The following SEC14L3 variants were observed in gnomAD, a reference collection of about 807,000 sequenced individuals.
SEC14L3 encodes SEC14 like lipid binding 3.
In SEC14L3, 56 loss-of-function variants were observed where a neutral mutation model predicts 57.4. The ratio of observed to expected loss-of-function variants is 0.97; its 90% confidence interval spans 0.79 to 1.22. SEC14L3 has a LOEUF of 1.22. Among genes scored for constraint, SEC14L3 ranks in the 50% most tolerant of loss-of-function variants. SEC14L3 has a pLI of 0.00. For synonymous variants in SEC14L3, 173 were observed against 194.4 expected, an observed-to-expected ratio of 0.89 and a Z score of 0.92; for missense variants, 485 against 511.7, an observed-to-expected ratio of 0.95 and a Z score of 0.50.
chr22:30,470,444 G>A (rs1254316809), intron 2 of SEC14L3, 63 bp downstream of exon 2: 4 of 1,610,416 alleles, frequency 2.5e-6, no homozygotes. Flanking sequence ...ACACTCTGGA[G>A]CAGTTGAGAC....
In SEC14L3 at chr22:30,468,713, G is replaced by T. The variant is rs1291909045; in HGVS notation, c.235-17C>A. 6.2e-7 allele frequency: 1 copy of T among 1,613,800 alleles called. No homozygotes were observed. The highest frequency in any genetic ancestry group is 2.2e-5 in the East Asian group (1 of 44,858). ...CTGGATCACCTGGGCATGAAAAGAT[G>T]CACAGAACTTGGCATTACACACCTC... On this transcript the variant is annotated splice_polypyrimidine_tract_variant and intron_variant, in intron 4 of 11. Coordinates refer to ENST00000215812, the MANE Select transcript of SEC14L3 (RefSeq NM_174975.5).
Position 30,461,816 on chromosome 22 carries a change from C to A in SEC14L3, c.772-122G>T, listed in dbSNP as rs73392113. 409 of 1,353,128 alleles carry A rather than the reference C, an allele frequency of 3.0e-4. 1 individual carries two copies. The African/African-American group carries it at 5.2e-3, about 17-fold the overall frequency. 83.8% of individuals were successfully genotyped at this position (1,353,128 alleles called of 1,614,324 possible). Reference sequence around the variant, plus strand: ...TCTTCATCCTAGCCCCACTCTCCCACCTCCTCAAGCCTTCTATGACCCTCC... The same window carrying A: ...TCTTCATCCTAGCCCCACTCTCCCAACTCCTCAAGCCTTCTATGACCCTCC... On this transcript the variant is annotated intron_variant, in intron 9 of 11. Transcript: ENST00000215812.
Position 30,459,967 on chromosome 22 carries a change from A to T in SEC14L3, c.*54T>A. 6.3e-7 allele frequency: 1 copy of T among 1,598,696 alleles called. No individual in the cohort carries two copies. Among genetic ancestry groups the T allele is most frequent in the Middle Eastern group, 1.7e-4 (1 of 5,966 alleles). On this transcript the variant is annotated 3_prime_UTR_variant, in exon 12 of 12. Coordinates refer to ENST00000215812, the MANE Select transcript of SEC14L3 (RefSeq NM_174975.5). ...ATTTCAGGGAGGGAGGGAGTGTAGG[A>T]TATAAACAGAGAAATCAAAGGGTTA...
chr22:30,468,293 A>AAAAAAAAAAG (rs544745401), intron 5 of SEC14L3, among the ~76,000 whole-genome samples: 1 of 149,490 alleles, frequency 6.7e-6, no homozygotes, highest in Non-Finnish European at 1.5e-5. Flanking sequence ...AAAAAAAAAA[A>AAAAAAAAAAG]GAGGGTTCTA....
intron 4 of SEC14L3, 28 bp from the exon 5 acceptor site, chr22:30,468,724 GGCATT>G (rs775391924): frequency 2.1e-5 from 34 of 1,613,808 alleles, no homozygotes; most frequent in Admixed American, 1.7e-4. Context: ...CACAGAACTT[GGCATT>G]ACACACCTCC....
chr22:30,469,654 C>T (rs1425017355), intron 4 of SEC14L3, among the ~76,000 whole-genome samples: 2 of 152,248 alleles, frequency 1.3e-5, no homozygotes, highest in Admixed American at 6.5e-5. Context: ...ACAGGCTAAC[C>T]GTGGTGGTTA....
At chr22:30,458,503 C>G (rs1935158055), downstream of SEC14L3, among the ~76,000 whole-genome samples, 1 of 152,194 alleles carries the variant, frequency 6.6e-6, no homozygotes, top group African/African-American at 2.4e-5. Context: ...ATAAATCATG[C>G]CTTCTCACTG....
chr22:30,455,112 T>TAATATATAATATATTA (rs1295071841), downstream of SEC14L3, among the ~76,000 whole-genome samples: 2 of 59,220 alleles, frequency 3.4e-5, no homozygotes, highest in Non-Finnish European at 5.5e-5. Context: ...ATTTAATATT[T>TAATATATAATATATTA]AATATTTAAT....
chr22:30,461,478 A>G lies in SEC14L3; in HGVS notation c.913T>C (p.Trp305Arg), dbSNP rs945244379. ...EILFPGCVLR[W>R]QFSSDGADIG... is the part of the protein sequence containing the mutation. ...TCCGCACCATCAGATGAGAACTGCC[A>G]CCTGTCAGGGGGAGGGGGAGGAGAC... The change falls in exon 11 of 12, where the codon TGG (tryptophan) becomes CGG (arginine). Residue 305 changes from tryptophan (W) to arginine (R), a missense_variant and splice_region_variant. By Grantham distance (101) the Trp-to-Arg change is moderately radical (BLOSUM62 -3). Coordinates refer to ENST00000215812, the MANE Select transcript of SEC14L3 (RefSeq NM_174975.5). The G allele has an allele frequency of 6.2e-6, 10 of 1,613,180 alleles. No homozygotes were observed. The highest frequency in any genetic ancestry group is 1.6e-4 in the Middle Eastern group (1 of 6,078).
At chr22:30,470,300 G>T in intron 2 of SEC14L3, 45 bp from the exon 3 acceptor site, 4 of 1,605,070 alleles carry the variant, frequency 2.5e-6, no homozygotes, top group Non-Finnish European at 3.4e-6. Context: ...AAGATGCCTT[G>T]TCTTACTCCT....
rs966568764 is a variant in SEC14L3, at chr22:30,468,500, G to T, written c.423+8C>A. The T allele has an allele frequency of 1.1e-5, 17 of 1,606,286 alleles. No individual in the cohort carries two copies. The African/African-American group carries it at 2.3e-4, about 22-fold the overall frequency. On this transcript the variant is annotated splice_region_variant and intron_variant, in intron 5 of 11. Transcript: ENST00000215812. ...CCAGCCATCCACCCCACCTGGCCTG[G>T]ACCTCACCCTCTCTGTCTGCAGGTC...
intron 1 of SEC14L3, 146 bp downstream of exon 1, chr22:30,471,759 G>A (rs1935619170): frequency 8.6e-7 from 1 of 1,168,332 alleles, no homozygotes. Flanking sequence ...GGCACCGTGG[G>A]GCTTGACCCT....
At chr22:30,471,014 G>A (rs547142784) in intron 1 of SEC14L3, 11 of 309,296 alleles carry the variant, frequency 3.6e-5, no homozygotes, top group African/African-American at 2.5e-4. Flanking sequence ...GCCAGGTATG[G>A]TGGCTCACGC....
chr22:30,449,856 C>G (rs562956747), intron 12 of SEC14L3, among the ~76,000 whole-genome samples: 1 of 152,236 alleles, frequency 6.6e-6, no homozygotes, highest in South Asian at 2.1e-4. Flanking sequence ...TGAGCCACCA[C>G]GCCTGGCCCC....
At chr22:30,453,418 T>C (rs913676618) in intron 12 of SEC14L3, among the ~76,000 whole-genome samples, 6 of 152,160 alleles carry the variant, frequency 3.9e-5, no homozygotes, top group Non-Finnish European at 2.9e-5. Flanking sequence ...TCCTTTCATT[T>C]ATTTATTTTT....
At chr22:30,455,242 ATATT>A, downstream of SEC14L3, among the ~76,000 whole-genome samples, 1 of 128,772 alleles carries the variant, frequency 7.8e-6, no homozygotes, top group Non-Finnish European at 1.6e-5. Context: ...AATATTTAAT[ATATT>A]ATATATAATA....
chr22:30,466,220 C>T, intron 7 of SEC14L3, 114 bp downstream of exon 7: 1 of 906,980 alleles, frequency 1.1e-6, no homozygotes, highest in Non-Finnish European at 1.8e-6. Flanking sequence ...GATTTGCATA[C>T]AGCCAAGAAA....
chr22:30,458,631 C>A (rs767811248), downstream of SEC14L3, among the ~76,000 whole-genome samples: 1 of 152,128 alleles, frequency 6.6e-6, no homozygotes, highest in Non-Finnish European at 1.5e-5. Flanking sequence ...TCAAGCGATC[C>A]GCCCATCTCA....
intron 11 of SEC14L3, among the ~76,000 whole-genome samples, chr22:30,460,651 T>C (rs1330124485): frequency 6.7e-6 from 1 of 149,756 alleles, no homozygotes; most frequent in Non-Finnish European, 1.5e-5. Flanking sequence ...CTGACCAACA[T>C]GGAGAAACCC....
Sources: allele counts gnomAD v4.1 joint callset (sites outside exome capture counted in the v4.1 genomes callset), GRCh38; gene constraint gnomAD v4.1.1; transcripts MANE v1.5; gene names NCBI Gene and HGNC (gene_info 2026-07-23, HGNC 2026-07-21).